The following DLC1 variants were observed in gnomAD, a reference collection of about 807,000 sequenced individuals.
DLC1 encodes DLC1 Rho GTPase activating protein, also known as rho GTPase-activating protein 7.
Under a neutral mutation model 140.3 loss-of-function variants are expected in DLC1, and 54 were observed. That is an observed-to-expected ratio of 0.38 (90% confidence interval 0.31 to 0.48). The LOEUF is 0.48. Ranked by LOEUF, DLC1 falls within the 20% of genes least tolerant of loss-of-function variation. DLC1 has a pLI of 0.96. For synonymous variants in DLC1, 986 were observed against 728.1 expected (o/e 1.35, Z -5.70); for missense variants, 2,536 against 1,907.0 (o/e 1.33, Z -6.14).
chr8:13,378,625 A>G (rs1836105495), intron 4 of DLC1, among the ~76,000 whole-genome samples: 1 of 152,142 alleles, frequency 6.6e-6, no homozygotes, highest in Admixed American at 6.6e-5. Context: ...TTTTATCTTA[A>G]AACTATTTTA....
intron 2 of DLC1, among the ~76,000 whole-genome samples, chr8:13,443,479 GA>G (rs1377550499): frequency 6.6e-6 from 1 of 151,404 alleles, no homozygotes; most frequent in Admixed American, 6.6e-5. Flanking sequence ...CTAACATGGT[GA>G]AACCCCGTCT....
chr8:13,556,843 A>C (rs1804064262), intron 1 of DLC1, among the ~76,000 whole-genome samples: 1 of 152,216 alleles, frequency 6.6e-6, no homozygotes, highest in Admixed American at 6.5e-5. Context: ...CAAATGCATT[A>C]TTTAATTCAT....
At chr8:13,463,743 CT>C (rs1799790985) in intron 2 of DLC1, among the ~76,000 whole-genome samples, 1 of 152,158 alleles carries the variant, frequency 6.6e-6, no homozygotes, top group African/African-American at 2.4e-5. Flanking sequence ...AGGAACCTGA[CT>C]TTTTGCCGGA....
At chr8:13,091,848 A>G (rs890395772) in intron 13 of DLC1, among the ~76,000 whole-genome samples, 4 of 152,014 alleles carry the variant, frequency 2.6e-5, no homozygotes, top group Admixed American at 1.3e-4. Context: ...GGCTAAGTCC[A>G]TTGTTTCCTT....
chr8:13,294,778 A>G (rs1831884024), intron 5 of DLC1, among the ~76,000 whole-genome samples: 1 of 152,176 alleles, frequency 6.6e-6, no homozygotes, highest in African/African-American at 2.4e-5. Context: ...CGTTGTCTGC[A>G]TTGCTGGCTT....
intron 1 of DLC1, among the ~76,000 whole-genome samples, chr8:13,546,241 T>C (rs1459483304): frequency 6.6e-6 from 1 of 152,142 alleles, no homozygotes; most frequent in East Asian, 1.9e-4. Flanking sequence ...ACTCATGGAA[T>C]TTTATGGTCT....
chr8:13,363,056 T>C (rs554771773), intron 4 of DLC1, among the ~76,000 whole-genome samples: 1 of 152,342 alleles, frequency 6.6e-6, no homozygotes, highest in Admixed American at 6.5e-5. Context: ...GGGCATACAA[T>C]ATTGGTCTTT....
At chr8:13,542,807 A>G (rs1293917683) in intron 1 of DLC1, among the ~76,000 whole-genome samples, 1 of 151,946 alleles carries the variant, frequency 6.6e-6, no homozygotes, top group Admixed American at 6.5e-5. Flanking sequence ...AGTTTTTTAT[A>G]TTTATATTGT....
chr8:13,403,284 G>T (rs1318115102), intron 2 of DLC1, among the ~76,000 whole-genome samples: 4 of 152,144 alleles, frequency 2.6e-5, no homozygotes, highest in Non-Finnish European at 5.9e-5. Flanking sequence ...AAACAGACCT[G>T]ATCTTTTCCA....
intron 5 of DLC1, chr8:13,116,234 A>T (rs1221604886): frequency 1.0e-6 from 1 of 985,376 alleles, no homozygotes; most frequent in Admixed American, 6.1e-5. Context: ...CATGGAGGGC[A>T]CGAAGTCAGT....
chr8:13,206,415 C>T (rs969299415), intron 5 of DLC1, among the ~76,000 whole-genome samples: 3 of 152,030 alleles, frequency 2.0e-5, no homozygotes, highest in Admixed American at 2.0e-4. Flanking sequence ...TAATACGTCT[C>T]GGCTTATAGT....
chr8:13,088,873 A>C, intron 15 of DLC1, 169 bp from the exon 16 acceptor site: 1 of 576,012 alleles, frequency 1.7e-6, no homozygotes, highest in East Asian at 3.0e-5. Context: ...TTGGGGGCTA[A>C]TAAATCTATG....
chr8:13,450,753 G>C (rs1436739002), intron 2 of DLC1, among the ~76,000 whole-genome samples: 2 of 151,936 alleles, frequency 1.3e-5, no homozygotes, highest in Non-Finnish European at 2.9e-5. Context: ...TGAAAATAAA[G>C]ATAGAGGCCA....
At chr8:13,400,366 T>C (rs1379008813) in intron 3 of DLC1, among the ~76,000 whole-genome samples, 1 of 152,210 alleles carries the variant, frequency 6.6e-6, no homozygotes. Flanking sequence ...ATTTTTCACA[T>C]GAACCTGCAG....
At chr8:13,091,604 T>C (rs1818082239) in intron 13 of DLC1, among the ~76,000 whole-genome samples, 172 bp from the exon 14 acceptor site, 1 of 152,166 alleles carries the variant, frequency 6.6e-6, no homozygotes, top group Non-Finnish European at 1.5e-5. Flanking sequence ...TCTCAGAGTT[T>C]TGTCAACAAC....
chr8:13,085,833 G>A lies in DLC1; in HGVS notation c.4565C>T (p.Thr1522Ile). 1.9e-6 allele frequency: 3 copies of A among 1,614,108 alleles called. No homozygotes were observed. Among genetic ancestry groups the A allele is most frequent in the African/African-American group, 1.3e-5 (1 of 75,014 alleles). ...TGATCACCTAGATTTGGTGTCTTTG[G>A]TTTCAGTGTTCTGGTTACTGAAGGA... ...RDSFSNQNTE[T>I]KDTKSR The change falls in exon 18 of 18, where the codon ACC (threonine) becomes ATC (isoleucine). Residue 1522 changes from threonine to isoleucine, a missense_variant. By Grantham distance (89) the Thr-to-Ile change is moderately conservative (BLOSUM62 -1). Transcript: ENST00000276297.
At chr8:13,482,631 T>C (rs564299305) in intron 2 of DLC1, among the ~76,000 whole-genome samples, 19 of 152,196 alleles carry the variant, frequency 1.2e-4, no homozygotes, top group Non-Finnish European at 2.2e-4. Context: ...TACCTTTTAT[T>C]AGCATTTCTT....
chr8:13,125,205 G>C (rs941228748), intron 5 of DLC1, among the ~76,000 whole-genome samples: 3 of 152,172 alleles, frequency 2.0e-5, no homozygotes, highest in Non-Finnish European at 4.4e-5. Context: ...TCAAACTCCT[G>C]ACCTCAAGTG....
At chr8:13,207,224 A>T (rs1827709575) in intron 5 of DLC1, among the ~76,000 whole-genome samples, 1 of 152,202 alleles carries the variant, frequency 6.6e-6, no homozygotes, top group African/African-American at 2.4e-5. Flanking sequence ...ATTTCAAATT[A>T]CGTATTCAAA....
Sources: allele counts gnomAD v4.1 joint callset (sites outside exome capture counted in the v4.1 genomes callset), GRCh38; gene constraint gnomAD v4.1.1; transcripts MANE v1.5; gene names NCBI Gene and HGNC (gene_info 2026-07-23, HGNC 2026-07-21).